EXOSC6: variants seen among roughly 807,000 people sequenced by gnomAD.
EXOSC6 encodes exosome complex component MTR3.
In EXOSC6, 21 loss-of-function variants were observed where a neutral mutation model predicts 16.7. The ratio of observed to expected loss-of-function variants is 1.26; its 90% confidence interval spans 0.89 to 1.82. The LOEUF is 1.82. Ranked by LOEUF, EXOSC6 falls within the 40% of genes most tolerant of loss-of-function variation. The pLI, the probability that EXOSC6 is intolerant of heterozygous loss-of-function variation, is 0.00. For synonymous variants in EXOSC6, 297 were observed against 217.1 expected, an observed-to-expected ratio of 1.37 and a Z score of -3.24; for missense variants, 538 against 415.7, an observed-to-expected ratio of 1.29 and a Z score of -2.56.
Position 70,248,287 on chromosome 16 carries a change from G to C in EXOSC6, c.*2795C>G, listed in dbSNP as rs1028186448. ...GGAGATGCAAACTAAAACATTATGGGTTGAACTGTCATCATGTGTATGGTT... is the reference window on the plus strand; with the variant it reads ...GGAGATGCAAACTAAAACATTATGGCTTGAACTGTCATCATGTGTATGGTT... On this transcript the variant is annotated 3_prime_UTR_variant, in exon 1 of 1. Transcript: ENST00000435634. The C allele has an allele frequency of 2.6e-5, 4 of 152,226 alleles. No individual in the cohort carries two copies. In the East Asian group the frequency reaches 5.8e-4, roughly 22 times the overall value. The allele number at this position is 152,226 out of a possible 1,614,324, so 9.4% of individuals were successfully genotyped here. A position where few individuals can be genotyped will look rare whatever the true frequency, so the allele number is the denominator to read the frequency against.
Position 70,250,816 on chromosome 16 carries a change from T to C in EXOSC6, c.*266A>G, listed in dbSNP as rs1959796528. 2.6e-6 allele frequency: 1 copy of C among 391,360 alleles called. No homozygotes were observed. Among genetic ancestry groups the C allele is most frequent in the Non-Finnish European group, 4.5e-6 (1 of 222,642 alleles). The allele number at this position is 391,360 out of a possible 1,614,324, so 24.2% of individuals were successfully genotyped here. A position where few individuals can be genotyped will look rare whatever the true frequency, so the allele number is the denominator to read the frequency against. ...TGAGACTGCAGAAAGAAACCCTGTC[T>C]CTAAAAAAAAGGTCCAGGTAATTTC... On this transcript the variant is annotated 3_prime_UTR_variant, in exon 1 of 1. Coordinates refer to ENST00000435634, the MANE Select transcript of EXOSC6 (RefSeq NM_058219.3).
chr16:70,251,259 C>G lies in EXOSC6; in HGVS notation c.642G>C (p.Ala214=). The G allele has an allele frequency of 6.8e-7, 1 of 1,469,542 alleles. No homozygotes were observed. Among genetic ancestry groups the G allele is most frequent in the Non-Finnish European group, 9.0e-7 (1 of 1,116,176 alleles). 91.0% of individuals were successfully genotyped at this position (1,469,542 alleles called of 1,614,324 possible). ...EERAAAGLTV[A]LMPVLNQVAG... ...CCACCTGATTCAGCACAGGCATGAG[C>G]GCCACGGTGAGGCCGGCGGCGGCGC... The change falls in exon 1 of 1, where the codon GCG becomes GCC. Residue 214 remains alanine, a synonymous_variant. Transcript: ENST00000435634.
In EXOSC6 at chr16:70,248,977, T is replaced by C; in HGVS notation, c.*2105A>G. The C allele has an allele frequency of 7.3e-6, 1 of 136,300 alleles. No homozygotes were observed. Among genetic ancestry groups the C allele is most frequent in the South Asian group, 2.3e-4 (1 of 4,362 alleles). The allele number at this position is 136,300 out of a possible 1,614,324, so 8.4% of individuals were successfully genotyped here. On this transcript the variant is annotated 3_prime_UTR_variant, in exon 1 of 1. Transcript: ENST00000435634. Reference sequence around the variant, plus strand: ...CTCCTTATATTTCCTTTATATTTTGTAAACTACATACCCAAAATAAAGCAT... The same window carrying C: ...CTCCTTATATTTCCTTTATATTTTGCAAACTACATACCCAAAATAAAGCAT...
rs919049088 is a variant in EXOSC6 at position 70,250,645 on chromosome 16, G to C, written c.*437C>G. 1 of 148,106 alleles carries C rather than the reference G, an allele frequency of 6.8e-6. No homozygotes were observed. The allele number at this position is 148,106 out of a possible 1,614,324, so 9.2% of individuals were successfully genotyped here. A position where few individuals can be genotyped will look rare whatever the true frequency, so the allele number is the denominator to read the frequency against. On this transcript the variant is annotated 3_prime_UTR_variant, in exon 1 of 1. Transcript: ENST00000435634. Reference sequence around the variant, plus strand: ...GATTGCACCATTGCACTCCAGCCTGGGCAACAGAACAAGACTCCATCAAAA... The same window carrying C: ...GATTGCACCATTGCACTCCAGCCTGCGCAACAGAACAAGACTCCATCAAAA...
In EXOSC6 at chr16:70,251,771, C is replaced by A; in HGVS notation, c.130G>T (p.Gly44Trp). The change falls in exon 1 of 1, where the codon GGG (glycine) becomes TGG (tryptophan). Residue 44 changes from glycine to tryptophan, a missense_variant. Coordinates refer to ENST00000435634, the MANE Select transcript of EXOSC6 (RefSeq NM_058219.3). ...GAGCCCTTGGCCTGGCTCAGCAGCCCGGCGCGCGCGTACACGGGCCGTAGC... is the reference window on the plus strand; with the variant it reads ...GAGCCCTTGGCCTGGCTCAGCAGCCAGGCGCGCGCGTACACGGGCCGTAGC... Reference protein sequence around the residue: ...TRLRPVYARAGLLSQAKGSAY... With the variant: ...TRLRPVYARAWLLSQAKGSAY... 1 of 1,441,580 alleles carries A rather than the reference C, an allele frequency of 6.9e-7. No homozygotes were observed. The highest frequency in any genetic ancestry group is 9.0e-7 in the Non-Finnish European group (1 of 1,108,754). 89.3% of individuals were successfully genotyped at this position (1,441,580 alleles called of 1,614,324 possible).
chr16:70,250,953 C>T lies in EXOSC6; in HGVS notation c.*129G>A. Reference sequence around the variant, plus strand: ...CCCACCATCTGGCAGTCAGGTCAGTCCAACCACAGTCATATCAGGGCCCTT... The same window carrying T: ...CCCACCATCTGGCAGTCAGGTCAGTTCAACCACAGTCATATCAGGGCCCTT... On this transcript the variant is annotated 3_prime_UTR_variant, in exon 1 of 1. Coordinates refer to ENST00000435634, the MANE Select transcript of EXOSC6 (RefSeq NM_058219.3). 1 of 1,247,666 alleles carries T rather than the reference C, an allele frequency of 8.0e-7. No homozygotes were observed. The allele number at this position is 1,247,666 out of a possible 1,614,324, so 77.3% of individuals were successfully genotyped here. A position where few individuals can be genotyped will look rare whatever the true frequency, so the allele number is the denominator to read the frequency against.
In EXOSC6 at chr16:70,249,014, T is replaced by TAAAAAAA. The variant is rs34420744; in HGVS notation, c.*2061_*2067dup. 5.1e-4 allele frequency: 53 copies of TAAAAAAA among 103,368 alleles called. No individual in the cohort carries two copies. Among genetic ancestry groups the TAAAAAAA allele is most frequent in the African/African-American group, 1.9e-3 (47 of 24,928 alleles). The allele number at this position is 103,368 out of a possible 1,614,324, so 6.4% of individuals were successfully genotyped here. A position where few individuals can be genotyped will look rare whatever the true frequency, so the allele number is the denominator to read the frequency against. On this transcript the variant is annotated 3_prime_UTR_variant, in exon 1 of 1. Transcript: ENST00000435634. ...CCAAAATAAAGCATATCAAAAACTGTAAAAAAAAAAAAAAAAAACCCTAAT... is the reference window on the plus strand; with the variant it reads ...CCAAAATAAAGCATATCAAAAACTGTAAAAAAAAAAAAAAAAAAAAAAAAACCCTAAT...
chr16:70,251,579 G>T lies in EXOSC6; in HGVS notation c.322C>A (p.Arg108Ser). The T allele has an allele frequency of 2.7e-6, 3 of 1,094,258 alleles. No individual in the cohort carries two copies. Among genetic ancestry groups the T allele is most frequent in the Non-Finnish European group, 3.3e-6 (3 of 903,002 alleles). 67.8% of individuals were successfully genotyped at this position (1,094,258 alleles called of 1,614,324 possible). A position where few individuals can be genotyped will look rare whatever the true frequency, so the allele number is the denominator to read the frequency against. ...CCGCCCGGGGGAGCGCGGCGCCGGCGGCCCGCGAAGGGTGCGCGGCGGAAG... is the reference window on the plus strand; with the variant it reads ...CCGCCCGGGGGAGCGCGGCGCCGGCTGCCCGCGAAGGGTGCGCGGCGGAAG... ...CDFRRAPFAG[R>S]RRRAPPGGCE... Residue 108 changes from arginine (R) to serine (S), a missense_variant, in exon 1 of 1, where the codon CGC becomes AGC. Coordinates refer to ENST00000435634, the MANE Select transcript of EXOSC6 (RefSeq NM_058219.3).
rs1048304389 is a variant in EXOSC6 at position 70,251,927 on chromosome 16, C to CCGCCCAA, written c.-34_-28dup. On this transcript the variant is annotated 5_prime_UTR_variant, in exon 1 of 1. Coordinates refer to ENST00000435634, the MANE Select transcript of EXOSC6 (RefSeq NM_058219.3). Reference sequence around the variant, plus strand: ...GCGGTTCTTGGCGTGCGAACCCCTTCCGCCCAACGCCCTGCCGCATCCACT... The same window carrying CCGCCCAA: ...GCGGTTCTTGGCGTGCGAACCCCTTCCGCCCAACGCCCAACGCCCTGCCGCATCCACT... 2 of 1,465,954 alleles carry CCGCCCAA rather than the reference C, an allele frequency of 1.4e-6. No individual in the cohort carries two copies. The highest frequency in any genetic ancestry group is 1.8e-6 in the Non-Finnish European group (2 of 1,119,132). 90.8% of individuals were successfully genotyped at this position (1,465,954 alleles called of 1,614,324 possible). A position where few individuals can be genotyped will look rare whatever the true frequency, so the allele number is the denominator to read the frequency against.
chr16:70,250,781 G>T lies in EXOSC6; in HGVS notation c.*301C>A. 1 of 339,380 alleles carries T rather than the reference G, an allele frequency of 2.9e-6. No individual in the cohort carries two copies. Among genetic ancestry groups the T allele is most frequent in the African/African-American group, 2.1e-5 (1 of 47,164 alleles). 21.0% of individuals were successfully genotyped at this position (339,380 alleles called of 1,614,324 possible). Reference sequence around the variant, plus strand: ...GGCCAAGGCAGGAGGATCAATCAAGGCTAGGAGTTTGAGACTGCAGAAAGA... The same window carrying T: ...GGCCAAGGCAGGAGGATCAATCAAGTCTAGGAGTTTGAGACTGCAGAAAGA... On this transcript the variant is annotated 3_prime_UTR_variant, in exon 1 of 1. Transcript: ENST00000435634.
rs1481986694 is a variant in EXOSC6 at position 70,249,755 on chromosome 16, G to A, written c.*1327C>T. ...CACTGAGATCAGGAGTTTGAGACCA[G>A]CTTGGCCAACATGATGAAACCCCAT... On this transcript the variant is annotated 3_prime_UTR_variant, in exon 1 of 1. Coordinates refer to ENST00000435634, the MANE Select transcript of EXOSC6 (RefSeq NM_058219.3). 6.6e-6 allele frequency: 1 copy of A among 152,130 alleles called. No homozygotes were observed. Among genetic ancestry groups the A allele is most frequent in the East Asian group, 1.9e-4 (1 of 5,196 alleles). The allele number at this position is 152,130 out of a possible 1,614,324, so 9.4% of individuals were successfully genotyped here. A position where few individuals can be genotyped will look rare whatever the true frequency, so the allele number is the denominator to read the frequency against.
In EXOSC6 at chr16:70,246,873, A is replaced by G; in HGVS notation, c.*4209T>C. The G allele has an allele frequency of 1.8e-6, 1 of 570,650 alleles. No homozygotes were observed. Among genetic ancestry groups the G allele is most frequent in the Non-Finnish European group, 3.2e-6 (1 of 316,254 alleles). The allele number at this position is 570,650 out of a possible 1,614,324, so 35.3% of individuals were successfully genotyped here. On this transcript the variant is annotated 3_prime_UTR_variant, in exon 1 of 1. Coordinates refer to ENST00000435634, the MANE Select transcript of EXOSC6 (RefSeq NM_058219.3). ...AGCATTTAACCCTGGAACCTCAAAT[A>G]TCACTGATTATACTCAAAGGAGCAG... is the stretch of plus-strand genomic sequence containing the variant.
At position 70,248,584 on chromosome 16, in the gene EXOSC6, T is replaced by C. The variant is rs1429285424; in HGVS notation, c.*2498A>G. On this transcript the variant is annotated 3_prime_UTR_variant, in exon 1 of 1. Coordinates refer to ENST00000435634, the MANE Select transcript of EXOSC6 (RefSeq NM_058219.3). ...CCCTCAAATTTTTCTCAAACCTCTATAATCAAGGGGAAAAATGTTTTGTTT... is the reference window on the plus strand; with the variant it reads ...CCCTCAAATTTTTCTCAAACCTCTACAATCAAGGGGAAAAATGTTTTGTTT... The C allele has an allele frequency of 1.3e-5, 2 of 152,178 alleles. No homozygotes were observed. The highest frequency in any genetic ancestry group is 2.4e-5 in the African/African-American group (1 of 41,516). 9.4% of individuals were successfully genotyped at this position (152,178 alleles called of 1,614,324 possible).
In EXOSC6 at chr16:70,249,514, G is replaced by C. The variant is rs1301380055; in HGVS notation, c.*1568C>G. The C allele has an allele frequency of 6.6e-6, 1 of 152,098 alleles. No homozygotes were observed. 9.4% of individuals were successfully genotyped at this position (152,098 alleles called of 1,614,324 possible). ...TATACCGTTTGGAATAAGAATTTGGGGCACGTTAGCAAACCAAAAGGCTCA... is the reference window on the plus strand; with the variant it reads ...TATACCGTTTGGAATAAGAATTTGGCGCACGTTAGCAAACCAAAAGGCTCA... On this transcript the variant is annotated 3_prime_UTR_variant, in exon 1 of 1. Transcript: ENST00000435634.
rs1959799852 is a variant in EXOSC6 at position 70,250,952 on chromosome 16, T to G, written c.*130A>C. On this transcript the variant is annotated 3_prime_UTR_variant, in exon 1 of 1. Coordinates refer to ENST00000435634, the MANE Select transcript of EXOSC6 (RefSeq NM_058219.3). ...TCCCACCATCTGGCAGTCAGGTCAGTCCAACCACAGTCATATCAGGGCCCT... is the reference window on the plus strand; with the variant it reads ...TCCCACCATCTGGCAGTCAGGTCAGGCCAACCACAGTCATATCAGGGCCCT... The G allele has an allele frequency of 8.1e-7, 1 of 1,238,318 alleles. No individual in the cohort carries two copies. The highest frequency in any genetic ancestry group is 1.1e-6 in the Non-Finnish European group (1 of 941,830). 76.7% of individuals were successfully genotyped at this position (1,238,318 alleles called of 1,614,324 possible). A position where few individuals can be genotyped will look rare whatever the true frequency, so the allele number is the denominator to read the frequency against.
In EXOSC6 at chr16:70,247,874, A is replaced by G. The variant is rs1959724103; in HGVS notation, c.*3208T>C. 1 of 152,180 alleles carries G rather than the reference A, an allele frequency of 6.6e-6. No individual in the cohort carries two copies. The highest frequency in any genetic ancestry group is 2.4e-5 in the African/African-American group (1 of 41,438). 9.4% of individuals were successfully genotyped at this position (152,180 alleles called of 1,614,324 possible). A position where few individuals can be genotyped will look rare whatever the true frequency, so the allele number is the denominator to read the frequency against. ...GTTCAAGACCAGTCTGGCCAGCTCG[A>G]TGAAACTCCGTCTCTACTAAAAATA... On this transcript the variant is annotated 3_prime_UTR_variant, in exon 1 of 1. Coordinates refer to ENST00000435634, the MANE Select transcript of EXOSC6 (RefSeq NM_058219.3).
Position 70,250,376 on chromosome 16 carries a change from G to A in EXOSC6, c.*706C>T, listed in dbSNP as rs1408985674. 6.6e-6 allele frequency: 1 copy of A among 152,194 alleles called. No homozygotes were observed. Among genetic ancestry groups the A allele is most frequent in the Non-Finnish European group, 1.5e-5 (1 of 68,072 alleles). The allele number at this position is 152,194 out of a possible 1,614,324, so 9.4% of individuals were successfully genotyped here. On this transcript the variant is annotated 3_prime_UTR_variant, in exon 1 of 1. Coordinates refer to ENST00000435634, the MANE Select transcript of EXOSC6 (RefSeq NM_058219.3). ...ATCACCGTACATTCTGTGCAATCAA[G>A]AAATTTACTCAGCTGGGCACAGTGG...
rs983314707 is a variant in EXOSC6 at position 70,251,573 on chromosome 16, GC to G, written c.327del (p.Arg110AlafsTer110). On this transcript the variant is annotated frameshift_variant, in exon 1 of 1. Transcript: ENST00000435634. LOFTEE classifies it high-confidence loss of function. ...TCGCAGCCGCCCGGGGGAGCGCGGC[GC>G]CGGCGGCCCGCGAAGGGTGCGCGGC... ...DFRRAPFAGRRRRAPPGGCEE... is the reference protein window; with the variant it reads ...DFRRAPFAGRXRRAPPGGCEE... The G allele has an allele frequency of 1.8e-6, 2 of 1,108,106 alleles. No homozygotes were observed. Among genetic ancestry groups the G allele is most frequent in the African/African-American group, 3.3e-5 (2 of 59,912 alleles). The allele number at this position is 1,108,106 out of a possible 1,614,324, so 68.6% of individuals were successfully genotyped here.
rs527466660 is a variant in EXOSC6 at position 70,251,908 on chromosome 16, C to A, written c.-8G>T. Reference sequence around the variant, plus strand: ...GCGGTGATCCCCAGGCATGGCGGTTCTTGGCGTGCGAACCCCTTCCGCCCA... The same window carrying A: ...GCGGTGATCCCCAGGCATGGCGGTTATTGGCGTGCGAACCCCTTCCGCCCA... On this transcript the variant is annotated 5_prime_UTR_variant, in exon 1 of 1. Coordinates refer to ENST00000435634, the MANE Select transcript of EXOSC6 (RefSeq NM_058219.3). The A allele has an allele frequency of 9.9e-6, 15 of 1,516,134 alleles. No homozygotes were observed. In the African/African-American group the frequency reaches 1.3e-4, roughly 13 times the overall value. 93.9% of individuals were successfully genotyped at this position (1,516,134 alleles called of 1,614,324 possible).
Sources: gnomAD v4.1 joint callset for allele counts on GRCh38, gnomAD v4.1.1 for gene constraint, MANE v1.5 for transcripts, NCBI Gene and HGNC (gene_info 2026-07-23, HGNC 2026-07-21) for gene names.